NUP210L: variants seen among roughly 807,000 people sequenced by gnomAD.
NUP210L encodes nuclear pore membrane glycoprotein 210-like.
Under a neutral mutation model 208.5 loss-of-function variants are expected in NUP210L, and 74 were observed. That is an observed-to-expected ratio of 0.35 (90% CI 0.29 to 0.43). The LOEUF is 0.43. Among genes scored for constraint, NUP210L ranks in the 20% least tolerant of loss-of-function variants. NUP210L has a pLI of 1.00. For synonymous variants in NUP210L, 780 were observed against 816.9 expected, an observed-to-expected ratio of 0.95 and a Z score of 0.77; for missense variants, 1,843 against 2,289.4, an observed-to-expected ratio of 0.81 and a Z score of 3.98.
At chr1:154,007,381 G>A (rs1296128595) in intron 35 of NUP210L, among the ~76,000 whole-genome samples, 1 of 151,708 alleles carries the variant, frequency 6.6e-6, no homozygotes, top group Non-Finnish European at 1.5e-5. Context: ...TCCTGCCTCA[G>A]CCTCCCTAGT....
At chr1:154,053,261 A>C (rs1653625639) in intron 25 of NUP210L, among the ~76,000 whole-genome samples, 1 of 152,194 alleles carries the variant, frequency 6.6e-6, no homozygotes, top group South Asian at 2.1e-4. Context: ...GGATAAAAAC[A>C]CTTGGAGGCT....
At chr1:154,053,157 T>C (rs1331550137) in intron 25 of NUP210L, among the ~76,000 whole-genome samples, 3 of 152,216 alleles carry the variant, frequency 2.0e-5, no homozygotes, top group African/African-American at 7.2e-5. Flanking sequence ...AGAACAAATA[T>C]TTAAAGCATC....
At position 154,110,819 on chromosome 1, in the gene NUP210L, A is replaced by G. The variant is rs371791577; in HGVS notation, c.1621-6609T>C. ...CTTGGGCCTGGGAGGTAGTGGCTGC[A>G]GTGAGCTGTGATCTCACCACTGTAC... On this transcript the variant is annotated intron_variant, in intron 12 of 39. Transcript: ENST00000368559. Among the ~76,000 whole-genome samples the G allele has an allele frequency of 2.2e-4, 34 of 151,280 alleles. No homozygotes were observed. The East Asian group carries it at 6.3e-3, about 28-fold the overall frequency.
intron 37 of NUP210L, 52 bp from the exon 38 acceptor site, chr1:153,995,232 A>G: frequency 7.9e-7 from 1 of 1,263,792 alleles, no homozygotes; most frequent in Non-Finnish European, 1.1e-6. Context: ...AACCATGGGC[A>G]GATGCTGCAT....
exon 16 of NUP210L, chr1:154,089,552 G>C (rs1349584829): frequency 1.2e-6 from 2 of 1,614,000 alleles, no homozygotes. Flanking sequence ...GCTGGACTAG[G>C]GTTCAGGACA....
At chr1:154,114,790 T>A (rs79256947) in intron 12 of NUP210L, among the ~76,000 whole-genome samples, 1 of 102,006 alleles carries the variant, frequency 9.8e-6, no homozygotes. Flanking sequence ...GGGGGGGGGG[T>A]CTTGCTTTGT....
At chr1:153,994,309 G>T (rs554755951) in intron 38 of NUP210L, among the ~76,000 whole-genome samples, 41 of 152,162 alleles carry the variant, frequency 2.7e-4, no homozygotes, top group African/African-American at 9.9e-4. Flanking sequence ...CTTCTTGGTA[G>T]TAAGTTGAGG....
intron 2 of NUP210L, among the ~76,000 whole-genome samples, chr1:154,147,491 T>G (rs1459408250): frequency 6.8e-6 from 1 of 146,522 alleles, no homozygotes; most frequent in Non-Finnish European, 1.5e-5. Flanking sequence ...GCACGTACCA[T>G]CATGCCTGGC....
intron 37 of NUP210L, among the ~76,000 whole-genome samples, chr1:153,998,553 C>CAAA (rs566361453): frequency 7.4e-5 from 4 of 53,776 alleles, no homozygotes; most frequent in African/African-American, 2.1e-4. Context: ...GGTTCTGTCT[C>CAAA]AAAAAAAAAA....
At chr1:154,105,717 A>G (rs1341691090) in intron 12 of NUP210L, among the ~76,000 whole-genome samples, 1 of 152,196 alleles carries the variant, frequency 6.6e-6, no homozygotes, top group African/African-American at 2.4e-5. Context: ...GAGGTAGAGC[A>G]CCAAGTGGGC....
At chr1:154,119,490 A>G (rs1308750285) in intron 10 of NUP210L, among the ~76,000 whole-genome samples, 1 of 152,170 alleles carries the variant, frequency 6.6e-6, no homozygotes, top group African/African-American at 2.4e-5. Flanking sequence ...TGGGAGGCTG[A>G]GACAGGAGAA....
intron 7 of NUP210L, among the ~76,000 whole-genome samples, chr1:154,133,581 T>A (rs1658365234): frequency 6.6e-6 from 1 of 151,322 alleles, no homozygotes; most frequent in African/African-American, 2.4e-5. Context: ...GGCTCATGCC[T>A]GGAATCCTAG....
chr1:154,007,787 G>A (rs888997556), intron 35 of NUP210L, among the ~76,000 whole-genome samples: 1 of 151,248 alleles, frequency 6.6e-6, no homozygotes, highest in African/African-American at 2.4e-5. Flanking sequence ...TGTTAGCCAG[G>A]ATGGTCTCGG....
At chr1:154,025,555 A>G in exon 30 of NUP210L, 1 of 1,609,186 alleles carries the variant, frequency 6.2e-7, no homozygotes, top group Non-Finnish European at 8.5e-7. Flanking sequence ...GACCCCAGTT[A>G]TGGTTGTTTG....
chr1:154,122,340 A>C (rs1053074923), intron 10 of NUP210L, among the ~76,000 whole-genome samples: 2 of 152,148 alleles, frequency 1.3e-5, no homozygotes, highest in African/African-American at 4.8e-5. Flanking sequence ...ACTACTTATT[A>C]CCCATTAGGA....
intron 2 of NUP210L, among the ~76,000 whole-genome samples, chr1:154,145,781 T>C (rs1659085436): frequency 6.6e-6 from 1 of 152,202 alleles, no homozygotes; most frequent in Non-Finnish European, 1.5e-5. Flanking sequence ...CAGATAGATA[T>C]AGAAATAAGT....
At chr1:154,082,262 G>A (rs1423617599) in intron 16 of NUP210L, among the ~76,000 whole-genome samples, 2 of 152,176 alleles carry the variant, frequency 1.3e-5, no homozygotes, top group East Asian at 3.8e-4. Flanking sequence ...TCTGAAGTGA[G>A]GGCAGTCTTG....
At chr1:154,141,818 A>G (rs1008430932) in intron 3 of NUP210L, among the ~76,000 whole-genome samples, 2 of 152,168 alleles carry the variant, frequency 1.3e-5, no homozygotes, top group Non-Finnish European at 2.9e-5. Context: ...AGGCCACCTC[A>G]TGGTTGACAA....
At chr1:154,085,857 G>T (rs1388815989) in intron 16 of NUP210L, among the ~76,000 whole-genome samples, 2 of 152,072 alleles carry the variant, frequency 1.3e-5, no homozygotes, top group East Asian at 3.8e-4. Context: ...GACAACTCAA[G>T]GTATAAGAAA....
Sources: allele counts gnomAD v4.1 joint callset (sites outside exome capture counted in the v4.1 genomes callset), GRCh38; gene constraint gnomAD v4.1.1; transcripts MANE v1.5; gene names NCBI Gene and HGNC (gene_info 2026-07-23, HGNC 2026-07-21).